The following KRT79 variants were observed in gnomAD, a reference collection of about 807,000 sequenced individuals.
KRT79 encodes keratin, type II cytoskeletal 79.
KRT79 carries 51 observed loss-of-function variants against 49.0 expected under a neutral mutation model. The observed-to-expected ratio is 1.04, with a 90% confidence interval of 0.83 to 1.31. The LOEUF is 1.31. KRT79 is among the 40% of genes most tolerant of loss of function. The pLI, the probability that KRT79 is intolerant of heterozygous loss-of-function variation, is 0.00. For missense variants in KRT79, 728 were observed against 688.0 expected (o/e 1.06, Z -0.65); for synonymous variants, 312 against 286.6 (o/e 1.09, Z -0.90).
Position 52,831,490 on chromosome 12 carries a change from G to A in KRT79, c.614C>T (p.Thr205Met), listed in dbSNP as rs149430221. 8.1e-5 allele frequency: 130 copies of A among 1,614,230 alleles called. No individual in the cohort carries two copies. The highest frequency in any genetic ancestry group is 2.7e-4 in the Admixed American group (16 of 60,032). Residue 205 changes from threonine (T) to methionine (M), a missense_variant, in exon 2 of 9, where the codon ACG (threonine) becomes ATG (methionine). Coordinates refer to ENST00000330553, the MANE Select transcript of KRT79 (RefSeq NM_175834.3). ...FEAYLGSMRS[T>M]LDRLQSERGR... The stretch of plus-strand genomic sequence containing the variant: ...CCGCTCGCTCTGAAGTCTGTCCAGC[G>A]TGCTCCGCATGCTACCCAGGTAGGC...
Position 52,821,639 on chromosome 12 carries a change from G to C in KRT79, c.*233C>G. On this transcript the variant is annotated 3_prime_UTR_variant, in exon 9 of 9. Transcript: ENST00000330553. ...AAAAGGTCACCCCCAAGTCACCCAA[G>C]CACATCACTCAAGCTGGCAACTTTA... 3.5e-6 allele frequency: 2 copies of C among 568,774 alleles called. No individual in the cohort carries two copies. The highest frequency in any genetic ancestry group is 6.3e-6 in the Non-Finnish European group (2 of 317,324). The allele number at this position is 568,774 out of a possible 1,614,324, so 35.2% of individuals were successfully genotyped here.
rs1940103977 is a variant in KRT79 at position 52,822,348 on chromosome 12, T to C, written c.1399A>G (p.Ile467Val). The change falls in exon 8 of 9, where the codon ATT becomes GTT. Residue 467 changes from isoleucine to valine, a missense_variant. Physicochemically the swap from Ile to Val is conservative, Grantham distance 29. Transcript: ENST00000330553. ...GAAGTGGGGAGTAAATACTCACAAA[T>C]GCTGACTGCACTGGGACATTCTCCA... ...MSGECPSAVS[I>V]SVTGNSTTVC... is the part of the protein sequence containing the mutation. 2 of 1,607,022 alleles carry C rather than the reference T, an allele frequency of 1.2e-6. No individual in the cohort carries two copies. Among genetic ancestry groups the C allele is most frequent in the African/African-American group, 1.3e-5 (1 of 74,924 alleles).
At chr12:52,822,508 G>T in intron 7 of KRT79, 129 bp from the exon 8 acceptor site, 1 of 687,884 alleles carries the variant, frequency 1.5e-6, no homozygotes, top group Non-Finnish European at 2.5e-6. Flanking sequence ...GGAAACATGA[G>T]AAGTATGTGT....
In KRT79 at chr12:52,822,016, G is replaced by C; in HGVS notation, c.1464C>G (p.Ile488Met). The change falls in exon 9 of 9, where the codon ATC becomes ATG. Residue 488 changes from isoleucine (I) to methionine (M), a missense_variant. Coordinates refer to ENST00000330553, the MANE Select transcript of KRT79 (RefSeq NM_175834.3). ...TGGCCCCCCCACTCCCACCCAGGGA[G>C]ATGCCACCTCCAAAGCTGGCTGCGC... ...GGGAASFGGG[I>M]SLGGSGGATK... is the part of the protein sequence containing the mutation. 1 of 1,614,218 alleles carries C rather than the reference G, an allele frequency of 6.2e-7. No homozygotes were observed. Among genetic ancestry groups the C allele is most frequent in the Non-Finnish European group, 8.5e-7 (1 of 1,180,042 alleles).
rs371852565 is a variant in KRT79, at chr12:52,834,172, C to T, written c.89G>A (p.Arg30His). Residue 30 changes from arginine to histidine, a missense_variant, in exon 1 of 9, where the codon CGC becomes CAC. Arg to His is a conservative substitution (Grantham distance 29, BLOSUM62 0). Coordinates refer to ENST00000330553, the MANE Select transcript of KRT79 (RefSeq NM_175834.3). ...CACCGTCACTGAGCTGAAGCTGGTG[C>T]GGGCCTGGGACCCACTCCCTCCGCT... ...SASGGSGSQA[R>H]TSFSSVTVSR... 9.3e-6 allele frequency: 15 copies of T among 1,613,574 alleles called. No individual in the cohort carries two copies. Among genetic ancestry groups the T allele is most frequent in the African/African-American group, 5.3e-5 (4 of 74,902 alleles).
rs1592316257 is a variant in KRT79 at position 52,823,776 on chromosome 12, A to T, written c.1146+111T>A. 3.2e-6 allele frequency: 4 copies of T among 1,267,336 alleles called. No individual in the cohort carries two copies. In the East Asian group the frequency reaches 7.1e-5, roughly 22 times the overall value. The allele number at this position is 1,267,336 out of a possible 1,614,324, so 78.5% of individuals were successfully genotyped here. A position where few individuals can be genotyped will look rare whatever the true frequency, so the allele number is the denominator to read the frequency against. ...AAAAGGAGCCTGTGATCAATGGCCT[A>T]GCATTCTATTGTGTCCGTCAGGAGA... On this transcript the variant is annotated intron_variant, in intron 6 of 8. Coordinates refer to ENST00000330553, the MANE Select transcript of KRT79 (RefSeq NM_175834.3).
intron 8 of KRT79, 35 bp from the exon 9 acceptor site, chr12:52,822,112 C>T (rs751001465): frequency 6.2e-7 from 1 of 1,606,618 alleles, no homozygotes; most frequent in Non-Finnish European, 8.5e-7. Context: ...GTCAGGGCGG[C>T]CATGCCAGAG....
At chr12:52,829,945 T>C (rs1940227074) in intron 4 of KRT79, 78 bp downstream of exon 4, 1 of 1,218,118 alleles carries the variant, frequency 8.2e-7, no homozygotes, top group Admixed American at 1.7e-5. Context: ...ACTGGTGAAT[T>C]CAGGTCAGAC....
At chr12:52,833,392 C>T (rs145734765) in intron 1 of KRT79, among the ~76,000 whole-genome samples, 113 of 152,318 alleles carry the variant, frequency 7.4e-4, no homozygotes, top group African/African-American at 2.5e-3. Flanking sequence ...AGCATTGTTT[C>T]CCCAGCTGTA....
intron 4 of KRT79, among the ~76,000 whole-genome samples, chr12:52,829,125 T>G (rs1340314957): frequency 6.6e-6 from 1 of 152,234 alleles, no homozygotes; most frequent in Non-Finnish European, 1.5e-5. Context: ...GTTCTTGCAC[T>G]GGATGGAAGG....
intron 4 of KRT79, among the ~76,000 whole-genome samples, chr12:52,824,694 C>T (rs1940153056): frequency 6.6e-6 from 1 of 152,220 alleles, no homozygotes; most frequent in Non-Finnish European, 1.5e-5. Context: ...CCTCAGAACA[C>T]CCTGTGCAGC....
chr12:52,821,485 G>C lies in KRT79; in HGVS notation c.*387C>G. The stretch of plus-strand genomic sequence containing the variant: ...TTTATTGAGACACAGACAGGGAAGG[G>C]GGATGTGGGTAGATTCAGGGAGAGG... On this transcript the variant is annotated 3_prime_UTR_variant, in exon 9 of 9. Transcript: ENST00000330553. The C allele has an allele frequency of 4.2e-6, 1 of 235,540 alleles. No individual in the cohort carries two copies. The highest frequency in any genetic ancestry group is 7.4e-5 in the South Asian group (1 of 13,524). 14.6% of individuals were successfully genotyped at this position (235,540 alleles called of 1,614,324 possible).
chr12:52,824,250 T>C lies in KRT79; in HGVS notation c.968A>G (p.Glu323Gly), dbSNP rs1940145012. Residue 323 changes from glutamate (E) to glycine (G), a missense_variant, in exon 5 of 9, where the codon GAG becomes GGG. Coordinates refer to ENST00000330553, the MANE Select transcript of KRT79 (RefSeq NM_175834.3). Reference protein sequence around the residue: ...SIIAEVKAQYELIAQRSRAEA... With the variant: ...SIIAEVKAQYGLIAQRSRAEA... ...AGCCCGGCTCCTCTGGGCAATCAGC[T>C]CATACTGGGCCTTGACCTCGGCGAT... 6.2e-7 allele frequency: 1 copy of C among 1,614,210 alleles called. No individual in the cohort carries two copies.
chr12:52,829,938 G>T, intron 4 of KRT79, 85 bp downstream of exon 4: 1 of 1,113,750 alleles, frequency 9.0e-7, no homozygotes, highest in Non-Finnish European at 1.4e-6. Flanking sequence ...AGGTTGCACT[G>T]GTGAATTCAG....
intron 4 of KRT79, among the ~76,000 whole-genome samples, chr12:52,827,019 A>G (rs1940184988): frequency 6.6e-6 from 1 of 152,078 alleles, no homozygotes; most frequent in South Asian, 2.1e-4. Flanking sequence ...CTGCTCACCT[A>G]ACTGTGCCCA....
At chr12:52,832,555 C>T (rs1038145870) in intron 1 of KRT79, among the ~76,000 whole-genome samples, 5 of 151,846 alleles carry the variant, frequency 3.3e-5, no homozygotes, top group African/African-American at 7.3e-5. Flanking sequence ...AAGGTTTTGG[C>T]TTGTTTGGCC....
intron 4 of KRT79, among the ~76,000 whole-genome samples, chr12:52,826,929 C>A (rs746029694): frequency 1.3e-5 from 2 of 152,214 alleles, no homozygotes; most frequent in Non-Finnish European, 2.9e-5. Flanking sequence ...GTTCTCACCC[C>A]ACGGAGGCAC....
chr12:52,833,674 A>C (rs756311522), intron 1 of KRT79, 110 bp downstream of exon 1: 11 of 901,186 alleles, frequency 1.2e-5, no homozygotes, highest in Non-Finnish European at 2.0e-5. Flanking sequence ...GAGCTCTATC[A>C]ACCACCACCC....
Position 52,822,031 on chromosome 12 carries a change from G to T in KRT79, c.1449C>A (p.Ser483Arg), listed in dbSNP as rs756281130. The T allele has an allele frequency of 3.1e-6, 5 of 1,614,098 alleles. No individual in the cohort carries two copies. The South Asian group carries it at 5.5e-5, about 18-fold the overall frequency. The change falls in exon 9 of 9, where the codon AGC becomes AGA. Residue 483 changes from serine to arginine, a missense_variant. Physicochemically the swap from Ser to Arg is moderately radical, Grantham distance 110. Coordinates refer to ENST00000330553, the MANE Select transcript of KRT79 (RefSeq NM_175834.3). ...STTVCGGGAA[S>R]FGGGISLGGS... ...CACCCAGGGAGATGCCACCTCCAAAGCTGGCTGCGCCACCTCCGCACACAG... is the reference window on the plus strand; with the variant it reads ...CACCCAGGGAGATGCCACCTCCAAATCTGGCTGCGCCACCTCCGCACACAG...
Sources: allele counts gnomAD v4.1 joint callset (sites outside exome capture counted in the v4.1 genomes callset), GRCh38; gene constraint gnomAD v4.1.1; transcripts MANE v1.5; gene names NCBI Gene and HGNC (gene_info 2026-07-23, HGNC 2026-07-21).